The following ITGB3 variants were observed in gnomAD, a reference collection of about 807,000 sequenced individuals.
The protein encoded by ITGB3 is integrin subunit beta 3.
In ITGB3, 48 loss-of-function variants were observed where a neutral mutation model predicts 85.8. That is an observed-to-expected ratio of 0.56 (90% CI 0.44 to 0.71). The LOEUF (loss-of-function observed/expected upper bound fraction) is 0.71, where lower values mean the gene tolerates loss of function less well. Ranked by LOEUF, ITGB3 falls within the 30% of genes least tolerant of loss-of-function variation. The pLI, the probability that ITGB3 is intolerant of heterozygous loss-of-function variation, is 0.00. For synonymous variants in ITGB3, 363 were observed against 395.6 expected (o/e 0.92, Z 0.98); for missense variants, 861 against 1,019.1 (o/e 0.84, Z 2.11).
intron 2 of ITGB3, among the ~76,000 whole-genome samples, chr17:47,277,974 T>G (rs1254792260): frequency 1.3e-5 from 2 of 152,262 alleles, no homozygotes; most frequent in Non-Finnish European, 2.9e-5. Flanking sequence ...ATGTTCATCT[T>G]GAGAGTTTTG....
At chr17:47,286,611 C>T (rs2065103734) in intron 5 of ITGB3, among the ~76,000 whole-genome samples, 189 bp downstream of exon 5, 1 of 152,210 alleles carries the variant, frequency 6.6e-6, no homozygotes, top group Admixed American at 6.5e-5. Context: ...CCTGAGCTGA[C>T]ATTTCTTTGA....
intron 9 of ITGB3, 21 bp from the exon 10 acceptor site, chr17:47,292,118 A>G: frequency 6.2e-7 from 1 of 1,613,726 alleles, no homozygotes; most frequent in South Asian, 1.1e-5. Context: ...GTGTCTAAAT[A>G]CAATCTTTCT....
At chr17:47,280,443 G>T (rs935942304) in intron 2 of ITGB3, among the ~76,000 whole-genome samples, 1 of 152,094 alleles carries the variant, frequency 6.6e-6, no homozygotes, top group African/African-American at 2.4e-5. Context: ...TGCAACCTCC[G>T]CCTCCCTGGC....
At chr17:47,260,603 A>C (rs1355949941) in intron 1 of ITGB3, among the ~76,000 whole-genome samples, 7 of 152,230 alleles carry the variant, frequency 4.6e-5, no homozygotes, top group African/African-American at 7.2e-5. Flanking sequence ...TCCAGACCCC[A>C]ACTTTAGCCA....
At chr17:47,303,584 G>A (rs1047830999) in intron 13 of ITGB3, 3 of 152,434 alleles carry the variant, frequency 2.0e-5, no homozygotes, top group African/African-American at 2.4e-5. Context: ...GGTTAGAGGT[G>A]TTACCTTTCC....
In ITGB3 at chr17:47,300,560, G is replaced by A. The variant is rs772684844; in HGVS notation, c.1996G>A (p.Glu666Lys). 20 of 1,613,838 alleles carry A rather than the reference G, an allele frequency of 1.2e-5. No homozygotes were observed. Among genetic ancestry groups the A allele is most frequent in the Admixed American group, 1.7e-5 (1 of 59,992 alleles). The change falls in exon 12 of 15, where the codon GAG becomes AAG. Residue 666 changes from glutamate (E) to lysine (K), a missense_variant. Coordinates refer to ENST00000559488, the MANE Select transcript of ITGB3 (RefSeq NM_000212.3). ...CAACCGTTACTGCCGTGACGAGATT[G>A]AGTCAGTGAAAGAGCTTAGTAAGTT... Reference protein sequence around the residue: ...TCNRYCRDEIESVKELKDTGK... With the variant: ...TCNRYCRDEIKSVKELKDTGK...
intron 12 of ITGB3, 118 bp downstream of exon 12, chr17:47,300,696 T>C: frequency 2.6e-6 from 2 of 766,426 alleles, no homozygotes; most frequent in African/African-American, 1.7e-5. Context: ...CCTCAGGGAA[T>C]GTTGTGCAGG....
intron 13 of ITGB3, among the ~76,000 whole-genome samples, chr17:47,304,946 T>C (rs2065181795): frequency 6.6e-6 from 1 of 152,106 alleles, no homozygotes; most frequent in Non-Finnish European, 1.5e-5. Context: ...CTGCCAACCC[T>C]ACCCAGACTT....
chr17:47,253,906 G>T lies in ITGB3; in HGVS notation c.45G>T (p.Leu15=). 1 of 1,400,694 alleles carries T rather than the reference G, an allele frequency of 7.1e-7. No individual in the cohort carries two copies. Among genetic ancestry groups the T allele is most frequent in the Non-Finnish European group, 9.3e-7 (1 of 1,071,574 alleles). The allele number at this position is 1,400,694 out of a possible 1,614,324, so 86.8% of individuals were successfully genotyped here. The change falls in exon 1 of 15, where the codon CTG becomes CTT. Residue 15 remains leucine, a synonymous_variant. Transcript: ENST00000559488. ...CCCGGCCGCTCTGGGCGACTGTGCT[G>T]GCGCTGGGGGCGCTGGCGGGCGTTG... ...PRPRPLWATV[L]ALGALAGVGV... is the part of the protein sequence containing the mutation.
At chr17:47,260,064 T>A (rs1230425150) in intron 1 of ITGB3, among the ~76,000 whole-genome samples, 12 of 140,312 alleles carry the variant, frequency 8.6e-5, no homozygotes, top group Non-Finnish European at 1.4e-4. Flanking sequence ...CCCCTCGCAT[T>A]TATGTTTATT....
At chr17:47,308,941 CCCATT>C (rs2065201511) in intron 14 of ITGB3, among the ~76,000 whole-genome samples, 1 of 148,714 alleles carries the variant, frequency 6.7e-6, no homozygotes, top group Admixed American at 6.7e-5. Flanking sequence ...CCCCTCCTCT[CCCATT>C]CCCTCCCCTC....
At chr17:47,286,693 G>C (rs1452132699) in intron 5 of ITGB3, among the ~76,000 whole-genome samples, 2 of 152,228 alleles carry the variant, frequency 1.3e-5, no homozygotes, top group Admixed American at 1.3e-4. Context: ...AGTTAAGGCT[G>C]AGTTAACTTA....
intron 1 of ITGB3, among the ~76,000 whole-genome samples, chr17:47,258,502 T>A (rs942521181): frequency 1.3e-5 from 2 of 152,086 alleles, no homozygotes; most frequent in African/African-American, 2.4e-5. Context: ...TTTTAGTGCA[T>A]ACAGTTCTAT....
At chr17:47,256,005 A>T (rs568828822) in intron 1 of ITGB3, among the ~76,000 whole-genome samples, 140 of 152,186 alleles carry the variant, frequency 9.2e-4, no homozygotes, top group African/African-American at 2.1e-3. Context: ...ATACATAATT[A>T]AAAAAAGGGT....
chr17:47,297,189 C>A (rs151271292), intron 10 of ITGB3, among the ~76,000 whole-genome samples: 2 of 152,284 alleles, frequency 1.3e-5, no homozygotes, highest in Non-Finnish European at 2.9e-5. Context: ...TAGGGAAAAG[C>A]ATTGCTTATG....
chr17:47,286,596 C>T (rs749927586), intron 5 of ITGB3, among the ~76,000 whole-genome samples, 174 bp downstream of exon 5: 3 of 152,186 alleles, frequency 2.0e-5, no homozygotes, highest in Non-Finnish European at 4.4e-5. Context: ...AGATCCACTC[C>T]CTGGCCTGAG....
chr17:47,266,841 G>A lies in ITGB3; in HGVS notation c.80-7578G>A, dbSNP rs575610614. Among the ~76,000 whole-genome samples, 33 of 152,164 alleles carry A rather than the reference G, an allele frequency of 2.2e-4. No individual in the cohort carries two copies. In the South Asian group the frequency reaches 3.5e-3, roughly 16 times the overall value. On this transcript the variant is annotated intron_variant, in intron 1 of 14. Coordinates refer to ENST00000559488, the MANE Select transcript of ITGB3 (RefSeq NM_000212.3). ...AAGCAATCCTCCTGCCTTGGCCTCC[G>A]AGAATGCTGGGATTACAGGCATGAG... is the stretch of plus-strand genomic sequence containing the variant.
At chr17:47,261,362 C>T (rs1420102630) in intron 1 of ITGB3, among the ~76,000 whole-genome samples, 1 of 152,066 alleles carries the variant, frequency 6.6e-6, no homozygotes, top group Non-Finnish European at 1.5e-5. Context: ...AAATATAATG[C>T]AGAAAGTACC....
At chr17:47,289,515 G>A (rs1460843010) in intron 6 of ITGB3, among the ~76,000 whole-genome samples, 166 bp from the exon 7 acceptor site, 1 of 152,070 alleles carries the variant, frequency 6.6e-6, no homozygotes, top group Non-Finnish European at 1.5e-5. Context: ...TGTAGAGATG[G>A]GGTCTTGCTA....
Sources: allele counts gnomAD v4.1 joint callset (sites outside exome capture counted in the v4.1 genomes callset), GRCh38; gene constraint gnomAD v4.1.1; transcripts MANE v1.5; gene names NCBI Gene and HGNC (gene_info 2026-07-23, HGNC 2026-07-21).